Variants in RPL26L1 observed in about 807,000 individuals in gnomAD.
The protein encoded by RPL26L1 is ribosomal protein L26 like 1, also known as ribosomal protein uL24-like.
RPL26L1 carries 8 observed loss-of-function variants against 15.2 expected under a neutral mutation model. That is an observed-to-expected ratio of 0.53 (90% CI 0.31 to 0.95). The LOEUF (loss-of-function observed/expected upper bound fraction) is 0.95. RPL26L1 is among the 40% of genes least tolerant of loss of function. The pLI is 0.05. For missense variants in RPL26L1, 146 were observed against 190.9 expected (o/e 0.76, Z 1.39); for synonymous variants, 51 against 65.9 (o/e 0.77, Z 1.09).
chr5:172,964,921 C>T (rs533210262), intron 2 of RPL26L1, among the ~76,000 whole-genome samples: 8 of 152,314 alleles, frequency 5.3e-5, no homozygotes, highest in Non-Finnish European at 1.0e-4. Context: ...CAGTGGCTCA[C>T]GCCTGTAATC....
chr5:172,968,520 A>G lies in RPL26L1; in HGVS notation c.230A>G (p.Lys77Arg). 1 of 1,614,192 alleles carries G rather than the reference A, an allele frequency of 6.2e-7. No individual in the cohort carries two copies. Among genetic ancestry groups the G allele is most frequent in the Middle Eastern group, 1.6e-4 (1 of 6,062 alleles). ...IGKVVQVYRKKYVIYIERVQR... is the reference protein window; with the variant it reads ...IGKVVQVYRKRYVIYIERVQR... ...AAGGTAGTCCAGGTGTACAGAAAGA[A>G]ATATGTCATCTACATCGAGCGGGTG... Residue 77 changes from lysine (K) to arginine (R), a missense_variant, in exon 3 of 4, where the codon AAA becomes AGA. Lys to Arg is a conservative substitution (Grantham distance 26, BLOSUM62 2). Transcript: ENST00000265100.
intron 3 of RPL26L1, 66 bp from the exon 4 acceptor site, chr5:172,969,347 A>T: frequency 6.6e-7 from 1 of 1,521,116 alleles, no homozygotes; most frequent in Non-Finnish European, 9.0e-7. Flanking sequence ...TTAACTTATG[A>T]TGTCTATATT....
rs750005800 is a variant in RPL26L1, at chr5:172,968,627, C to T, written c.309+28C>T. ...ATGGTCAAGGACTGAGTGGCAGTAG[C>T]AGCCATGGAGTGTGTCAATACTGTT... On this transcript the variant is annotated intron_variant, in intron 3 of 3. Transcript: ENST00000265100. 250 of 1,613,328 alleles carry T rather than the reference C, an allele frequency of 1.5e-4. 2 individuals are homozygous for T. The Admixed American group carries it at 4.0e-3, about 26-fold the overall frequency.
chr5:172,961,321 A>C (rs1203740079), intron 2 of RPL26L1, among the ~76,000 whole-genome samples: 1 of 152,164 alleles, frequency 6.6e-6, no homozygotes. Flanking sequence ...GGGAATTGCA[A>C]ATACTTATAG....
chr5:172,957,620 T>C (rs746424637), upstream of RPL26L1: 8 of 249,288 alleles, frequency 3.2e-5, no homozygotes, highest in Non-Finnish European at 6.4e-5. Flanking sequence ...AGTGAGTGAG[T>C]GAGTGAATGA....
At chr5:172,968,710 C>G in intron 3 of RPL26L1, 111 bp downstream of exon 3, 1 of 1,118,868 alleles carries the variant, frequency 8.9e-7, no homozygotes, top group Non-Finnish European at 1.3e-6. Flanking sequence ...GCCAGGTGGA[C>G]TTGATTGATT....
At chr5:172,964,777 T>C (rs1416414140) in intron 2 of RPL26L1, among the ~76,000 whole-genome samples, 3 of 152,216 alleles carry the variant, frequency 2.0e-5, no homozygotes, top group Non-Finnish European at 4.4e-5. Context: ...CCTCCTACTT[T>C]ACAGAGAAAA....
intron 2 of RPL26L1, 117 bp from the exon 3 acceptor site, chr5:172,968,342 G>T: frequency 1.5e-6 from 2 of 1,343,132 alleles, no homozygotes; most frequent in South Asian, 1.4e-5. Context: ...TGACTGCCAG[G>T]ATTAAGCTGC....
At chr5:172,955,014 A>G (rs547497512), upstream of RPL26L1, 3 of 455,938 alleles carry the variant, frequency 6.6e-6, no homozygotes, top group South Asian at 4.6e-5. Flanking sequence ...GTGAGGAGAG[A>G]AGCTGAAGTG....
At chr5:172,958,640 G>C (rs1755080458), upstream of RPL26L1, 1 of 295,592 alleles carries the variant, frequency 3.4e-6, no homozygotes, top group Non-Finnish European at 7.1e-6. Flanking sequence ...CAGAGACCCG[G>C]GGACCTTTTA....
intron 2 of RPL26L1, 142 bp downstream of exon 2, chr5:172,960,183 G>C: frequency 1.1e-6 from 1 of 911,220 alleles, no homozygotes; most frequent in South Asian, 1.4e-5. Context: ...ATAGGGTTCA[G>C]AGCCACCAGA....
At chr5:172,961,710 G>C (rs1755239411) in intron 2 of RPL26L1, among the ~76,000 whole-genome samples, 2 of 152,232 alleles carry the variant, frequency 1.3e-5, no homozygotes, top group Non-Finnish European at 2.9e-5. Context: ...TCTGCTCTGT[G>C]TTCTCTACGT....
chr5:172,962,010 C>CTGCA (rs1755247984), intron 2 of RPL26L1, among the ~76,000 whole-genome samples: 1 of 152,234 alleles, frequency 6.6e-6, no homozygotes, highest in Admixed American at 6.5e-5. Context: ...ATCTCCCCAG[C>CTGCA]TGCATATGCC....
chr5:172,968,182 T>C (rs1421959727), intron 2 of RPL26L1, among the ~76,000 whole-genome samples: 1 of 152,152 alleles, frequency 6.6e-6, no homozygotes, highest in African/African-American at 2.4e-5. Context: ...TATATGTATA[T>C]ATATATAGTT....
At chr5:172,963,053 G>A (rs1313237909) in intron 2 of RPL26L1, among the ~76,000 whole-genome samples, 2 of 151,950 alleles carry the variant, frequency 1.3e-5, no homozygotes, top group Non-Finnish European at 2.9e-5. Flanking sequence ...TTAGCCAGGT[G>A]CTTACCAATG....
upstream of RPL26L1, chr5:172,955,705 T>A (rs1205929709): frequency 6.6e-6 from 1 of 152,216 alleles, no homozygotes; most frequent in Non-Finnish European, 1.5e-5. Context: ...TTCTGGCCAG[T>A]CATTAATATG....
At chr5:172,963,930 T>G (rs546712931) in intron 2 of RPL26L1, among the ~76,000 whole-genome samples, 61 of 152,250 alleles carry the variant, frequency 4.0e-4, no homozygotes, top group African/African-American at 1.4e-3. Flanking sequence ...CAGGCTAAGC[T>G]CCATGAAACC....
At chr5:172,962,140 G>A (rs1410283474) in intron 2 of RPL26L1, among the ~76,000 whole-genome samples, 1 of 152,232 alleles carries the variant, frequency 6.6e-6, no homozygotes, top group African/African-American at 2.4e-5. Context: ...GTTCAAGGCA[G>A]CATTGCAGTT....
At chr5:172,955,048 G>A (rs1764325355), upstream of RPL26L1, 1 of 455,804 alleles carries the variant, frequency 2.2e-6, no homozygotes, top group South Asian at 1.5e-5. Flanking sequence ...TGGTTGGGGT[G>A]GGTGAAACCT....
Sources: gnomAD v4.1 joint callset for allele counts (sites outside exome capture counted in the v4.1 genomes callset) on GRCh38, gnomAD v4.1.1 for gene constraint, MANE v1.5 for transcripts, NCBI Gene and HGNC (gene_info 2026-07-23, HGNC 2026-07-21) for gene names.